Variants in RYR2 observed in about 807,000 individuals in gnomAD.
RYR2 encodes the protein ryanodine receptor 2.
In RYR2, 227 loss-of-function variants were observed where a neutral mutation model predicts 601.1. The ratio of observed to expected loss-of-function variants is 0.38; its 90% CI spans 0.34 to 0.42. RYR2 has a LOEUF of 0.42. Ranked by LOEUF, RYR2 falls within the 10% of genes least tolerant of loss-of-function variation. The pLI is 1.00. For missense variants in RYR2, 4,646 were observed against 6,156.5 expected (o/e 0.75, Z 8.21); for synonymous variants, 2,223 against 2,175.1 (o/e 1.02, Z -0.61).
At chr1:237,599,808 CAAAAAAAA>C (rs56123861) in intron 34 of RYR2, among the ~76,000 whole-genome samples, 2 of 107,978 alleles carry the variant, frequency 1.9e-5, no homozygotes, top group Admixed American at 9.5e-5. Flanking sequence ...GACTCCATCT[CAAAAAAAA>C]AAAAAAAAAA....
intron 70 of RYR2, among the ~76,000 whole-genome samples, chr1:237,709,782 A>C (rs1296089230): frequency 6.6e-6 from 1 of 152,116 alleles, no homozygotes; most frequent in African/African-American, 2.4e-5. Context: ...TTTGCCCCTA[A>C]ATTTTGGACT....
Position 237,717,208 on chromosome 1 carries a change from C to T in RYR2, c.10334C>T (p.Ser3445Phe), listed in dbSNP as rs1394667871. The change falls in exon 72 of 105, where the codon TCT becomes TTT. Residue 3445 changes from serine (S) to phenylalanine (F), a missense_variant. Ser to Phe is a radical substitution (Grantham distance 155, BLOSUM62 -2). Transcript: ENST00000366574. Reference sequence around the variant, plus strand: ...CTCTTTGTTCCATAGGCAGCTGTTTCTGATCAGGAAAGGAAGAAAATGAAG... The same window carrying T: ...CTCTTTGTTCCATAGGCAGCTGTTTTTGATCAGGAAAGGAAGAAAATGAAG... Reference protein sequence around the residue: ...TKSKMSKAAVSDQERKKMKRK... With the variant: ...TKSKMSKAAVFDQERKKMKRK... The T allele has an allele frequency of 6.2e-7, 1 of 1,613,434 alleles. No individual in the cohort carries two copies. The highest frequency in any genetic ancestry group is 1.1e-5 in the South Asian group (1 of 90,966).
chr1:237,724,875 G>A (rs575927936), intron 74 of RYR2, among the ~76,000 whole-genome samples: 1 of 152,156 alleles, frequency 6.6e-6, no homozygotes, highest in Admixed American at 6.5e-5. Flanking sequence ...TATAGAAACT[G>A]ATTCTATTTT....
chr1:237,673,591 A>G (rs1685144110), intron 58 of RYR2, among the ~76,000 whole-genome samples: 1 of 152,188 alleles, frequency 6.6e-6, no homozygotes, highest in Non-Finnish European at 1.5e-5. Flanking sequence ...GGTTTTGTGT[A>G]TTTATAAATA....
chr1:237,158,741 G>A (rs1431771854), intron 1 of RYR2, among the ~76,000 whole-genome samples: 2 of 152,198 alleles, frequency 1.3e-5, no homozygotes, highest in Admixed American at 1.3e-4. Flanking sequence ...AGTGCTGAGG[G>A]TTGTGCTCAA....
rs985703282 is a variant in RYR2, at chr1:237,832,790, G to A, written c.*143G>A. The A allele has an allele frequency of 2.0e-5, 11 of 538,888 alleles. No homozygotes were observed. Among genetic ancestry groups the A allele is most frequent in the South Asian group, 5.6e-5 (2 of 35,738 alleles). The allele number at this position is 538,888 out of a possible 1,614,324, so 33.4% of individuals were successfully genotyped here. ...TCTGGGAGCATCGAAGCTCTGTTTC[G>A]GAAGAGCTGTTTCCTCCCCCCACCT... On this transcript the variant is annotated 3_prime_UTR_variant, in exon 105 of 105. Transcript: ENST00000366574.
chr1:237,220,094 G>A (rs1309087115), intron 1 of RYR2, among the ~76,000 whole-genome samples: 1 of 152,218 alleles, frequency 6.6e-6, no homozygotes. Flanking sequence ...TGGATTGACA[G>A]ATGCCTGGAT....
chr1:237,801,794 G>A (rs2794820), intron 97 of RYR2, 62 bp from the exon 98 acceptor site: 9 of 1,069,626 alleles, frequency 8.4e-6, no homozygotes, highest in Admixed American at 1.9e-5. Flanking sequence ...TCAGGCTCTC[G>A]CAAGCCTATG....
At chr1:237,139,022 C>T (rs960011773) in intron 1 of RYR2, among the ~76,000 whole-genome samples, 1 of 152,162 alleles carries the variant, frequency 6.6e-6, no homozygotes, top group African/African-American at 2.4e-5. Context: ...ACCAGCAATT[C>T]CACTCCTATA....
rs566076191 is a variant in RYR2 at position 237,425,527 on chromosome 1, G to A, written c.1005+2279G>A. On this transcript the variant is annotated intron_variant, in intron 12 of 104. Transcript: ENST00000366574. Reference sequence around the variant, plus strand: ...CATGTGCCTGCAGTCCCAGCTACTCGGGAAGCTGAGGCAGGAGAATCGCTT... The same window carrying A: ...CATGTGCCTGCAGTCCCAGCTACTCAGGAAGCTGAGGCAGGAGAATCGCTT... Among the ~76,000 whole-genome samples, 15 of 152,148 alleles carry A rather than the reference G, an allele frequency of 9.9e-5. 1 individual carries two copies. In the South Asian group the frequency reaches 1.5e-3, roughly 15 times the overall value.
chr1:237,687,895 AT>A (rs976931630), intron 63 of RYR2, among the ~76,000 whole-genome samples: 1 of 151,904 alleles, frequency 6.6e-6, no homozygotes, highest in African/African-American at 2.4e-5. Context: ...AACTGCACTT[AT>A]TTTTTTTAAT....
chr1:237,245,252 G>A (rs1686691594), intron 1 of RYR2, among the ~76,000 whole-genome samples: 1 of 151,852 alleles, frequency 6.6e-6, no homozygotes, highest in South Asian at 2.1e-4. Flanking sequence ...AAGATAGCTT[G>A]TATTTGTACT....
At chr1:237,518,856 G>C (rs1011832766) in intron 24 of RYR2, among the ~76,000 whole-genome samples, 1 of 152,172 alleles carries the variant, frequency 6.6e-6, no homozygotes, top group Admixed American at 6.5e-5. Flanking sequence ...CATAGAGGCT[G>C]TACTAATTTA....
intron 1 of RYR2, among the ~76,000 whole-genome samples, chr1:237,055,231 G>A (rs545703122): frequency 4.6e-5 from 7 of 152,242 alleles, no homozygotes; most frequent in African/African-American, 1.7e-4. Context: ...GTGTCATCCT[G>A]GGGGGACTGG....
At chr1:237,558,466 G>A (rs1390063031) in intron 27 of RYR2, among the ~76,000 whole-genome samples, 1 of 152,114 alleles carries the variant, frequency 6.6e-6, no homozygotes, top group African/African-American at 2.4e-5. Flanking sequence ...TTTCTGATAA[G>A]GCATTGACAT....
intron 63 of RYR2, among the ~76,000 whole-genome samples, chr1:237,687,946 C>T (rs1353729586): frequency 6.6e-6 from 1 of 152,100 alleles, no homozygotes; most frequent in Non-Finnish European, 1.5e-5. Context: ...GCATTCCAAA[C>T]ATTGGAACGT....
intron 1 of RYR2, among the ~76,000 whole-genome samples, chr1:237,122,374 G>A (rs1417387920): frequency 6.6e-6 from 1 of 152,202 alleles, no homozygotes; most frequent in East Asian, 1.9e-4. Flanking sequence ...GGCTTACATG[G>A]GATGAATAAA....
At chr1:237,388,272 G>A in intron 10 of RYR2, 89 bp downstream of exon 10, 1 of 1,048,720 alleles carries the variant, frequency 9.5e-7, no homozygotes. Context: ...ATTCAGGCCA[G>A]TAGCATCATA....
At chr1:237,691,844 G>T (rs913150161) in intron 63 of RYR2, among the ~76,000 whole-genome samples, 1 of 152,178 alleles carries the variant, frequency 6.6e-6, no homozygotes, top group African/African-American at 2.4e-5. Context: ...TGGAAATCCA[G>T]GTAGGACATA....
Sources: allele counts gnomAD v4.1 joint callset (sites outside exome capture counted in the v4.1 genomes callset), GRCh38; gene constraint gnomAD v4.1.1; transcripts MANE v1.5; gene names NCBI Gene and HGNC (gene_info 2026-07-23, HGNC 2026-07-21).